The following ZNF28 variants were observed in gnomAD, a reference collection of about 807,000 sequenced individuals.
ZNF28 encodes zinc finger protein 28.
A neutral mutation model predicts 7.2 loss-of-function variants in ZNF28; 5 were observed. That is an observed-to-expected ratio of 0.70 (90% CI 0.36 to 1.46). The LOEUF is 1.46. Among genes scored for constraint, ZNF28 ranks in the 40% most tolerant of loss-of-function variants. ZNF28 has a pLI of 0.03. For synonymous variants in ZNF28, 288 were observed against 292.4 expected (o/e 0.99, Z 0.15); for missense variants, 879 against 866.6 (o/e 1.01, Z -0.18).
chr19:52,817,201 C>T (rs1305752091), intron 2 of ZNF28, among the ~76,000 whole-genome samples: 6 of 151,962 alleles, frequency 3.9e-5, no homozygotes, highest in South Asian at 4.1e-4. Context: ...GGAGAAACCT[C>T]GTCTCTACTA....
chr19:52,813,424 C>A (rs1230224048), intron 2 of ZNF28, among the ~76,000 whole-genome samples: 2 of 121,412 alleles, frequency 1.6e-5, no homozygotes, highest in Non-Finnish European at 3.3e-5. Flanking sequence ...AGCTGCTCCC[C>A]GTGTTTCCCT....
Position 52,799,807 on chromosome 19 carries a change from G to A in ZNF28, c.2038C>T (p.Gln680Ter). 1 of 1,610,728 alleles carries A rather than the reference G, an allele frequency of 6.2e-7. No individual in the cohort carries two copies. Among genetic ancestry groups the A allele is most frequent in the South Asian group, 1.1e-5 (1 of 90,918 alleles). ...KVFNQQAHLA[Q>*]HQRVHTGEKP... ...TCTCCAGTATGAACTCTCTGATGCT[G>A]TGCAAGGTGTGCTTGTTGATTAAAA... The change falls in exon 4 of 4, where the codon CAG (glutamine) becomes TAG (stop). Residue 680 changes from glutamine to a stop codon, truncating the protein, a stop_gained. Transcript: ENST00000457749. LOFTEE classifies it low-confidence loss of function (END_TRUNC).
At chr19:52,804,861 T>A (rs2062916715) in intron 3 of ZNF28, among the ~76,000 whole-genome samples, 1 of 152,180 alleles carries the variant, frequency 6.6e-6, no homozygotes, top group Non-Finnish European at 1.5e-5. Flanking sequence ...AAAGAGCATC[T>A]CATCATCAAC....
chr19:52,814,928 G>A (rs1291363374), intron 2 of ZNF28, among the ~76,000 whole-genome samples: 2 of 145,682 alleles, frequency 1.4e-5, no homozygotes, highest in African/African-American at 5.4e-5. Context: ...CTCAAAGTAC[G>A]AAAATCTTTT....
At position 52,816,746 on chromosome 19, in the gene ZNF28, G is replaced by A. The variant is rs552921600; in HGVS notation, c.15+1198C>T. ...ACTAGGTGGGTTGAGACAGAGAATC[G>A]CTTCAACCTGGGAGACAGAGGTTGT... is the stretch of plus-strand genomic sequence containing the variant. On this transcript the variant is annotated intron_variant, in intron 2 of 3. Transcript: ENST00000457749. 9.4e-5 allele frequency among the ~76,000 whole-genome samples: 9 copies of A among 95,316 alleles called. 1 individual carries two copies. The East Asian group carries it at 2.0e-3, about 21-fold the overall frequency. The allele number at this position is 95,316 out of a possible 152,430, so 62.5% of individuals were successfully genotyped here. A position where few individuals can be genotyped will look rare whatever the true frequency, so the allele number is the denominator to read the frequency against.
chr19:52,800,864 G>A lies in ZNF28; in HGVS notation c.981C>T (p.Tyr327=). 3 of 1,613,984 alleles carry A rather than the reference G, an allele frequency of 1.9e-6. No individual in the cohort carries two copies. Among genetic ancestry groups the A allele is most frequent in the Non-Finnish European group, 2.5e-6 (3 of 1,179,940 alleles). The change falls in exon 4 of 4, where the codon TAC becomes TAT. Residue 327 remains tyrosine, a synonymous_variant. Coordinates refer to ENST00000457749, the MANE Select transcript of ZNF28 (RefSeq NM_006969.5). ...HKIIYTGGKP[Y]KCKVCDKAFT... Reference sequence around the variant, plus strand: ...AAGCTTTGTCACAAACCTTACATTTGTATGGTTTCCCTCCAGTATAAATTA... The same window carrying A: ...AAGCTTTGTCACAAACCTTACATTTATATGGTTTCCCTCCAGTATAAATTA...
intron 3 of ZNF28, among the ~76,000 whole-genome samples, chr19:52,802,209 G>C (rs2062880956): frequency 6.6e-6 from 1 of 152,036 alleles, no homozygotes; most frequent in Admixed American, 6.6e-5. Context: ...GATAACAAAA[G>C]ATTATAAAAA....
In ZNF28 at chr19:52,801,125, C is replaced by G; in HGVS notation, c.720G>C (p.Glu240Asp). The G allele has an allele frequency of 6.2e-7, 1 of 1,614,030 alleles. No individual in the cohort carries two copies. The highest frequency in any genetic ancestry group is 2.2e-5 in the East Asian group (1 of 44,878). The change falls in exon 4 of 4, where the codon GAG becomes GAC. Residue 240 changes from glutamate to aspartate, a missense_variant. This residue lies in a region of ZNF28 where 864 missense variants were observed against 830.2 expected (regional missense o/e 1.04). Coordinates refer to ENST00000457749, the MANE Select transcript of ZNF28 (RefSeq NM_006969.5). ...CATATACATCACATTTACATTGTTT[C>G]TCTTCTAAGTGGGTTATCTGATGTT... ...LKKHQITHLE[E>D]KQCKCDVYGK...
chr19:52,812,362 T>C (rs1387854841), intron 2 of ZNF28, among the ~76,000 whole-genome samples: 5 of 141,072 alleles, frequency 3.5e-5, no homozygotes, highest in African/African-American at 3.0e-5. Context: ...AATCGGATGA[T>C]TGCCGGGTCT....
intron 2 of ZNF28, 129 bp downstream of exon 2, chr19:52,817,815 G>A: frequency 6.4e-7 from 1 of 1,552,184 alleles, no homozygotes; most frequent in Non-Finnish European, 8.8e-7. Flanking sequence ...TGAACTGAAG[G>A]AAGGCATGGG....
At chr19:52,816,805 T>C (rs2063130445) in intron 2 of ZNF28, among the ~76,000 whole-genome samples, 1 of 150,938 alleles carries the variant, frequency 6.6e-6, no homozygotes, top group Admixed American at 6.6e-5. Flanking sequence ...CACTGCAGCC[T>C]GGGCAACAAA....
intron 3 of ZNF28, among the ~76,000 whole-genome samples, chr19:52,806,325 C>G (rs577879642): frequency 1.3e-5 from 2 of 152,118 alleles, no homozygotes; most frequent in African/African-American, 2.4e-5. Flanking sequence ...TCCTGAGTAG[C>G]TTGGATTACA....
At chr19:52,804,352 G>A (rs1296730165) in intron 3 of ZNF28, among the ~76,000 whole-genome samples, 9 of 152,094 alleles carry the variant, frequency 5.9e-5, no homozygotes, top group Non-Finnish European at 2.9e-5. Context: ...CTGGAGTGTA[G>A]TGGCATGATT....
chr19:52,821,072 A>C (rs28494092), intron 1 of ZNF28, among the ~76,000 whole-genome samples: 16,033 of 150,514 alleles, frequency 0.11, 749 homozygotes, highest in African/African-American at 0.21. Context: ...GCTCAGGGGA[A>C]GCGGTGACTG....
chr19:52,810,767 A>T (rs2063011116), intron 2 of ZNF28: 1 of 558,108 alleles, frequency 1.8e-6, no homozygotes, highest in African/African-American at 2.4e-5. Flanking sequence ...AAAAAAAAGA[A>T]TAAAAAAAAA....
chr19:52,818,545 TC>T (rs1373473157), intron 1 of ZNF28, among the ~76,000 whole-genome samples: 1 of 151,998 alleles, frequency 6.6e-6, no homozygotes, highest in Non-Finnish European at 1.5e-5. Flanking sequence ...AAACCCTGTC[TC>T]TACTAAAAAT....
intron 2 of ZNF28, among the ~76,000 whole-genome samples, chr19:52,812,382 G>A (rs1316783970): frequency 7.2e-6 from 1 of 139,672 alleles, no homozygotes; most frequent in Admixed American, 7.0e-5. Context: ...TGTGTGGATA[G>A]AAGTAGACAT....
intron 2 of ZNF28, chr19:52,814,495 A>T (rs763928980): frequency 2.7e-5 from 4 of 146,122 alleles, no homozygotes; most frequent in Non-Finnish European, 5.9e-5. Flanking sequence ...TTAGGAGGCT[A>T]AAACAGGAGA....
chr19:52,819,192 T>C lies in ZNF28; in HGVS notation c.-73-1161A>G, dbSNP rs1379420125. On this transcript the variant is annotated intron_variant, in intron 1 of 3. Coordinates refer to ENST00000457749, the MANE Select transcript of ZNF28 (RefSeq NM_006969.5). ...AAGCTCCCAGGAGGAGGCTGGACAC[T>C]GGCAGGGACCCTGAACACAGGGCTG... 1.5e-5 allele frequency among the ~76,000 whole-genome samples: 2 copies of C among 136,864 alleles called. 1 individual carries two copies. The highest frequency in any genetic ancestry group is 5.7e-5 in the African/African-American group (2 of 34,792). The allele number at this position is 136,864 out of a possible 152,430, so 89.8% of individuals were successfully genotyped here. A position where few individuals can be genotyped will look rare whatever the true frequency, so the allele number is the denominator to read the frequency against.
Sources: gnomAD v4.1 joint callset for allele counts (sites outside exome capture counted in the v4.1 genomes callset) on GRCh38, gnomAD v4.1.1 for gene constraint, gnomAD v4.1.1 regional missense constraint, MANE v1.5 for transcripts, NCBI Gene and HGNC (gene_info 2026-07-23, HGNC 2026-07-21) for gene names.